BMP5: variants seen among roughly 807,000 people sequenced by gnomAD.
The protein encoded by BMP5 is bone morphogenetic protein 5.
BMP5 carries 23 observed loss-of-function variants against 46.6 expected under a neutral mutation model. The ratio of observed to expected loss-of-function variants is 0.49; its 90% CI spans 0.35 to 0.70. BMP5 has a LOEUF of 0.70. BMP5 is among the 30% of genes least tolerant of loss of function. The probability of loss-of-function intolerance (pLI) is 0.00; values close to 1 mark genes in which losing one functional copy is unlikely to be tolerated. For synonymous variants in BMP5, 204 were observed against 191.9 expected (o/e 1.06, Z -0.52); for missense variants, 545 against 565.6 (o/e 0.96, Z 0.37).
At chr6:55,824,569 A>G (rs1776485962) in intron 1 of BMP5, among the ~76,000 whole-genome samples, 1 of 152,016 alleles carries the variant, frequency 6.6e-6, no homozygotes. Flanking sequence ...CATTTAAGCC[A>G]GACCCAGACT....
intron 4 of BMP5, among the ~76,000 whole-genome samples, chr6:55,773,642 T>G (rs1312709251): frequency 6.6e-6 from 1 of 151,858 alleles, no homozygotes; most frequent in Admixed American, 6.6e-5. Flanking sequence ...TAAAACTGAG[T>G]AGCATAATTC....
At chr6:55,778,616 C>T (rs781294547) in intron 3 of BMP5, among the ~76,000 whole-genome samples, 32 of 151,936 alleles carry the variant, frequency 2.1e-4, no homozygotes, top group South Asian at 4.2e-4. Flanking sequence ...AATATTTATA[C>T]CTTGTCCATC....
At chr6:55,812,124 A>T (rs1256047182) in intron 2 of BMP5, among the ~76,000 whole-genome samples, 1 of 152,218 alleles carries the variant, frequency 6.6e-6, no homozygotes, top group African/African-American at 2.4e-5. Flanking sequence ...ATGAGGTGTG[A>T]CTATAGAGCA....
In BMP5 at chr6:55,792,308, C is replaced by T. The variant is rs188725824; in HGVS notation, c.832+1971G>A. 2.0e-3 allele frequency among the ~76,000 whole-genome samples: 299 copies of T among 152,090 alleles called. 7 individuals carry two copies. The East Asian group carries it at 0.049, about 25-fold the overall frequency. On this transcript the variant is annotated intron_variant, in intron 3 of 6. Coordinates refer to ENST00000370830, the MANE Select transcript of BMP5 (RefSeq NM_021073.4). The stretch of plus-strand genomic sequence containing the variant: ...CAGCACTTTGGAAGGCCAAGGCGGG[C>T]GGATCACGAGGTCAGGAGATCGAGA...
Position 55,875,022 on chromosome 6 carries a change from C to T in BMP5, c.-157G>A, listed in dbSNP as rs114062447. The T allele has an allele frequency of 3.5e-5, 27 of 776,634 alleles. No individual in the cohort carries two copies. The Admixed American group carries it at 7.0e-4, about 20-fold the overall frequency. The allele number at this position is 776,634 out of a possible 1,614,324, so 48.1% of individuals were successfully genotyped here. Reference sequence around the variant, plus strand: ...ACATTTCTGAGCACAACATCCTCACCGATTTTCCTGTCCTATTTTAAATAT... The same window carrying T: ...ACATTTCTGAGCACAACATCCTCACTGATTTTCCTGTCCTATTTTAAATAT... On this transcript the variant is annotated 5_prime_UTR_variant, in exon 1 of 7. Transcript: ENST00000370830.
At chr6:55,822,867 A>C (rs185285230) in intron 1 of BMP5, among the ~76,000 whole-genome samples, 9 of 152,212 alleles carry the variant, frequency 5.9e-5, no homozygotes, top group African/African-American at 1.9e-4. Flanking sequence ...TTTATATTAA[A>C]TATACCACAC....
chr6:55,831,169 C>CTTT (rs1776655067), intron 1 of BMP5, among the ~76,000 whole-genome samples: 1 of 152,076 alleles, frequency 6.6e-6, no homozygotes, highest in African/African-American at 2.4e-5. Flanking sequence ...TGAGAATCCT[C>CTTT]TTTTTGAAAT....
intron 2 of BMP5, among the ~76,000 whole-genome samples, chr6:55,802,414 AG>A (rs1325264239): frequency 6.6e-6 from 1 of 152,196 alleles, no homozygotes; most frequent in Non-Finnish European, 1.5e-5. Context: ...ATAGAGTACA[AG>A]AGATCACCTG....
chr6:55,857,996 C>T (rs1777439735), intron 1 of BMP5, among the ~76,000 whole-genome samples: 1 of 152,176 alleles, frequency 6.6e-6, no homozygotes, highest in African/African-American at 2.4e-5. Flanking sequence ...CCTCGGCCTC[C>T]CAAAGTGCTG....
At chr6:55,761,386 C>T (rs1175889804) in intron 4 of BMP5, among the ~76,000 whole-genome samples, 1 of 152,058 alleles carries the variant, frequency 6.6e-6, no homozygotes, top group Admixed American at 6.6e-5. Flanking sequence ...CTGCCAGTCC[C>T]TCTATGGTCT....
Position 55,759,119 on chromosome 6 carries a change from A to G in BMP5, c.1105-4T>C. ...CTTCTGGTGCTATAATCCAGTCCTG[A>G]CACATACACACACACACACACACAC... is the stretch of plus-strand genomic sequence containing the variant. On this transcript the variant is annotated splice_region_variant and splice_polypyrimidine_tract_variant and intron_variant, in intron 5 of 6. Coordinates refer to ENST00000370830, the MANE Select transcript of BMP5 (RefSeq NM_021073.4). 1 of 536,398 alleles carries G rather than the reference A, an allele frequency of 1.9e-6. No homozygotes were observed. The highest frequency in any genetic ancestry group is 3.5e-6 in the Non-Finnish European group (1 of 287,146). The allele number at this position is 536,398 out of a possible 1,614,324, so 33.2% of individuals were successfully genotyped here.
intron 2 of BMP5, among the ~76,000 whole-genome samples, chr6:55,801,520 A>G (rs1775848924): frequency 1.3e-5 from 2 of 152,178 alleles, no homozygotes; most frequent in Non-Finnish European, 2.9e-5. Context: ...CCCCCAATGC[A>G]TCTTTCCTTT....
At chr6:55,806,185 G>T (rs1282414752) in intron 2 of BMP5, among the ~76,000 whole-genome samples, 1 of 152,064 alleles carries the variant, frequency 6.6e-6, no homozygotes, top group Non-Finnish European at 1.5e-5. Flanking sequence ...TTTCTTCTAG[G>T]GTTTTTATGA....
chr6:55,785,652 A>G (rs771953840), intron 3 of BMP5, among the ~76,000 whole-genome samples: 1 of 151,776 alleles, frequency 6.6e-6, no homozygotes, highest in Admixed American at 6.6e-5. Flanking sequence ...GGAATTCTCA[A>G]TGACACTTTT....
intron 3 of BMP5, among the ~76,000 whole-genome samples, chr6:55,790,896 C>T (rs997725208): frequency 2.0e-5 from 3 of 152,110 alleles, no homozygotes; most frequent in Non-Finnish European, 2.9e-5. Context: ...AGTATTAGGG[C>T]ACTTTGTTAT....
rs73446188 is a variant in BMP5, at chr6:55,819,172, A to G, written c.683+483T>C. Among the ~76,000 whole-genome samples, 728 of 152,324 alleles carry G rather than the reference A, an allele frequency of 4.8e-3. 13 individuals carry two copies. The highest frequency in any genetic ancestry group is 0.017 in the African/African-American group (687 of 41,576). ...ATTTAGTATTTCAGACTATCTGTCC[A>G]TTTTTGTATCATTCCGAATTAACCA... On this transcript the variant is annotated intron_variant, in intron 2 of 6. Transcript: ENST00000370830.
chr6:55,860,596 G>C lies in BMP5; in HGVS notation c.490+13780C>G, dbSNP rs140824836. On this transcript the variant is annotated intron_variant, in intron 1 of 6. Transcript: ENST00000370830. ...GAGTGGCTAAAGGTAAAGAGAGAGAGAGAGAGAAACAAAATAGAATTTTTA... is the reference window on the plus strand; with the variant it reads ...GAGTGGCTAAAGGTAAAGAGAGAGACAGAGAGAAACAAAATAGAATTTTTA... Among the ~76,000 whole-genome samples the C allele has an allele frequency of 2.6e-4, 40 of 152,308 alleles. No individual in the cohort carries two copies. In the East Asian group the frequency reaches 7.1e-3, roughly 27 times the overall value.
intron 3 of BMP5, among the ~76,000 whole-genome samples, chr6:55,789,296 A>G (rs1775520949): frequency 6.6e-6 from 1 of 151,992 alleles, no homozygotes; most frequent in Non-Finnish European, 1.5e-5. Flanking sequence ...GGCTTTTTAA[A>G]AGACATTCTA....
At chr6:55,780,356 C>A (rs768433747) in intron 3 of BMP5, among the ~76,000 whole-genome samples, 1 of 150,212 alleles carries the variant, frequency 6.7e-6, no homozygotes, top group Non-Finnish European at 1.5e-5. Flanking sequence ...AATGGTGGCT[C>A]ACGCCTGTAA....
Sources: gnomAD v4.1 joint callset for allele counts (sites outside exome capture counted in the v4.1 genomes callset) on GRCh38, gnomAD v4.1.1 for gene constraint, MANE v1.5 for transcripts, NCBI Gene and HGNC (gene_info 2026-07-23, HGNC 2026-07-21) for gene names.